The following MACROD2 variants were observed in gnomAD, a reference collection of about 807,000 sequenced individuals.
MACROD2 encodes mono-ADP ribosylhydrolase 2.
Under a neutral mutation model 70.4 loss-of-function variants are expected in MACROD2, and 36 were observed. The observed-to-expected ratio is 0.51, with a 90% CI of 0.39 to 0.68. The LOEUF (loss-of-function observed/expected upper bound fraction) is 0.68. MACROD2 is among the 30% of genes least tolerant of loss of function. The pLI, the probability that MACROD2 is intolerant of heterozygous loss-of-function variation, is 0.00. For synonymous variants in MACROD2, 172 were observed against 178.8 expected (o/e 0.96, Z 0.30); for missense variants, 496 against 538.4 (o/e 0.92, Z 0.78).
intron 5 of MACROD2, among the ~76,000 whole-genome samples, chr20:14,772,413 A>G (rs2072180866): frequency 6.6e-6 from 1 of 152,112 alleles, no homozygotes; most frequent in Admixed American, 6.6e-5. Context: ...TCATGGGGCC[A>G]GGGAAGCCTC....
chr20:14,051,413 G>A (rs1366909932), intron 2 of MACROD2, among the ~76,000 whole-genome samples: 2 of 152,126 alleles, frequency 1.3e-5, no homozygotes, highest in Admixed American at 6.6e-5. Context: ...CTTCTTAGCA[G>A]TTGTCTCCTT....
intron 3 of MACROD2, among the ~76,000 whole-genome samples, chr20:14,377,648 G>C (rs2083384729): frequency 6.6e-6 from 1 of 152,154 alleles, no homozygotes; most frequent in African/African-American, 2.4e-5. Context: ...AGCCCAAGGA[G>C]AGAGTCAGAT....
At chr20:14,796,695 A>C (rs187943694) in intron 5 of MACROD2, among the ~76,000 whole-genome samples, 2 of 152,098 alleles carry the variant, frequency 1.3e-5, no homozygotes, top group Non-Finnish European at 2.9e-5. Context: ...TGTGCCCTTC[A>C]TATTCTCACA....
intron 5 of MACROD2, among the ~76,000 whole-genome samples, chr20:14,908,684 C>T (rs1769645399): frequency 1.3e-5 from 2 of 151,922 alleles, no homozygotes; most frequent in Admixed American, 6.6e-5. Context: ...AAAAGTGTAT[C>T]TTCAGAGTGA....
intron 6 of MACROD2, among the ~76,000 whole-genome samples, chr20:15,394,330 A>T (rs1165999099): frequency 1.3e-5 from 2 of 152,216 alleles, no homozygotes; most frequent in Non-Finnish European, 2.9e-5. Context: ...AGGCAAGGAC[A>T]GTGGCTTAGT....
At chr20:15,867,171 A>G (rs2064505268) in intron 9 of MACROD2, among the ~76,000 whole-genome samples, 1 of 152,170 alleles carries the variant, frequency 6.6e-6, no homozygotes, top group African/African-American at 2.4e-5. Flanking sequence ...TACCAGTCAA[A>G]TGGGATTTGG....
At chr20:15,262,053 A>C (rs966778556) in intron 6 of MACROD2, among the ~76,000 whole-genome samples, 1 of 152,022 alleles carries the variant, frequency 6.6e-6, no homozygotes, top group Admixed American at 6.6e-5. Context: ...TGTTACAAAC[A>C]ATCCAATTAT....
chr20:15,639,440 C>T (rs1233825279), intron 8 of MACROD2, among the ~76,000 whole-genome samples: 1 of 152,090 alleles, frequency 6.6e-6, no homozygotes, highest in African/African-American at 2.4e-5. Context: ...TGAGACTGCC[C>T]GGGAGTTCCT....
intron 3 of MACROD2, among the ~76,000 whole-genome samples, chr20:14,096,777 T>TG (rs748249891): frequency 2.6e-4 from 39 of 152,346 alleles, no homozygotes; most frequent in Admixed American, 5.2e-4. Context: ...TAACATTGCA[T>TG]GTCCTAAATT....
chr20:15,845,813 T>C, intron 8 of MACROD2, among the ~76,000 whole-genome samples: 1 of 152,210 alleles, frequency 6.6e-6, no homozygotes. Context: ...TATTGGTCTA[T>C]TATTAGCCCT....
At chr20:16,019,005 T>G (rs554070842) in intron 15 of MACROD2, among the ~76,000 whole-genome samples, 2 of 152,300 alleles carry the variant, frequency 1.3e-5, no homozygotes, top group East Asian at 3.9e-4. Context: ...CTTTAAGAGT[T>G]TTTCTACTCT....
intron 8 of MACROD2, among the ~76,000 whole-genome samples, chr20:15,594,010 A>G (rs1213426818): frequency 6.6e-6 from 1 of 152,022 alleles, no homozygotes; most frequent in Non-Finnish European, 1.5e-5. Context: ...CTGTGGTGAC[A>G]CAGGACACAT....
At chr20:14,030,477 C>T (rs929416942) in intron 2 of MACROD2, among the ~76,000 whole-genome samples, 2 of 151,936 alleles carry the variant, frequency 1.3e-5, no homozygotes, top group African/African-American at 4.8e-5. Flanking sequence ...GGCGTGATTT[C>T]GGCTAGCTGC....
At chr20:15,050,416 C>T (rs1316328286) in intron 5 of MACROD2, among the ~76,000 whole-genome samples, 1 of 150,168 alleles carries the variant, frequency 6.7e-6, no homozygotes, top group Non-Finnish European at 1.5e-5. Context: ...TTGATAAATT[C>T]AATTACAAAA....
At chr20:15,399,030 C>T (rs2045896191) in intron 6 of MACROD2, among the ~76,000 whole-genome samples, 1 of 152,076 alleles carries the variant, frequency 6.6e-6, no homozygotes, top group Non-Finnish European at 1.5e-5. Flanking sequence ...TCTAGAGTCC[C>T]TACCAATCTC....
At chr20:14,844,597 C>G (rs1266277858) in intron 5 of MACROD2, among the ~76,000 whole-genome samples, 1 of 152,062 alleles carries the variant, frequency 6.6e-6, no homozygotes, top group Admixed American at 6.6e-5. Context: ...CTACCTCAAC[C>G]TAAATACTCC....
At chr20:14,745,377 G>A (rs1008348472) in intron 5 of MACROD2, among the ~76,000 whole-genome samples, 2 of 152,170 alleles carry the variant, frequency 1.3e-5, no homozygotes, top group African/African-American at 2.4e-5. Flanking sequence ...TGTCTAAGCA[G>A]CCACCTAACA....
intron 5 of MACROD2, among the ~76,000 whole-genome samples, chr20:14,850,876 A>T (rs976898867): frequency 2.0e-5 from 3 of 152,178 alleles, no homozygotes; most frequent in Admixed American, 6.5e-5. Context: ...TATAATATAT[A>T]AAAAAGATAA....
In MACROD2 at chr20:15,246,043, A is replaced by G. The variant is rs546468017; in HGVS notation, c.540+15982A>G. Among the ~76,000 whole-genome samples, 4 of 152,346 alleles carry G rather than the reference A, an allele frequency of 2.6e-5. No homozygotes were observed. The South Asian group carries it at 6.2e-4, about 24-fold the overall frequency. On this transcript the variant is annotated intron_variant, in intron 6 of 17. Coordinates refer to ENST00000684519, the MANE Select transcript of MACROD2 (RefSeq NM_001351661.2). ...GGCATGAGTAGACATGTCCAGATGT[A>G]ACGAACCATAGGCTAGAATCATGTC...
Sources: gnomAD v4.1 joint callset for allele counts (sites outside exome capture counted in the v4.1 genomes callset) on GRCh38, gnomAD v4.1.1 for gene constraint, MANE v1.5 for transcripts, NCBI Gene and HGNC (gene_info 2026-07-23, HGNC 2026-07-21) for gene names.